CFAP47: variants seen among roughly 807,000 people sequenced by gnomAD.
CFAP47 encodes the protein cilia and flagella associated protein 47.
Under a neutral mutation model 148.1 loss-of-function variants are expected in CFAP47, and 29 were observed. The observed-to-expected ratio is 0.20, with a 90% CI of 0.15 to 0.27. CFAP47 has a LOEUF of 0.27. Ranked by LOEUF, CFAP47 falls within the 10% of genes least tolerant of loss-of-function variation. CFAP47 has a pLI of 1.00. For synonymous variants in CFAP47, 664 were observed against 577.3 expected, an observed-to-expected ratio of 1.15 and a Z score of -2.15; for missense variants, 1,872 against 1,697.5, an observed-to-expected ratio of 1.10 and a Z score of -1.81.
chrX:36,232,249 C>T (rs1168518973), intron 46 of CFAP47, among the ~76,000 whole-genome samples: 2 of 111,313 alleles, frequency 1.8e-5, no homozygotes, highest in African/African-American at 6.5e-5. Flanking sequence ...GTCCTGGACT[C>T]TTTTTGGTTG....
chrX:36,105,505 C>T (rs1379576578), intron 33 of CFAP47, among the ~76,000 whole-genome samples: 2 of 111,735 alleles, frequency 1.8e-5, no homozygotes, highest in African/African-American at 6.5e-5. Context: ...AAAAATGAGA[C>T]TTTGAATTAT....
intron 57 of CFAP47, among the ~76,000 whole-genome samples, chrX:36,336,616 T>A (rs1460491673): frequency 1.8e-5 from 2 of 111,834 alleles, no homozygotes; most frequent in East Asian, 2.8e-4. Context: ...TTTATATTTA[T>A]ATGATTGCTA....
chrX:36,304,089 T>A (rs1306691894), intron 54 of CFAP47, 129 bp downstream of exon 54: 31 of 380,792 alleles, frequency 8.1e-5, no homozygotes, highest in Non-Finnish European at 1.3e-4. Flanking sequence ...ATTTAAGAAT[T>A]GAATTTTATA....
At chrX:35,963,886 G>T (rs1936367014) in intron 8 of CFAP47, among the ~76,000 whole-genome samples, 1 of 111,147 alleles carries the variant, frequency 9.0e-6, no homozygotes, top group African/African-American at 3.3e-5. Context: ...TCCTCTTTGT[G>T]CTATTCTTGT....
In CFAP47 at chrX:36,071,923, A is replaced by G. The variant is rs758298208; in HGVS notation, c.4417A>G (p.Thr1473Ala). ...TGCTTCAATTAAAAAGACATACACC[A>G]CTAGCAAATTCAATGATGCTGAACC... is the stretch of plus-strand genomic sequence containing the variant. ...SPASIKKTYT[T>A]SKFNDAEPAK... is the part of the protein sequence containing the mutation. Residue 1473 changes from threonine to alanine, a missense_variant, in exon 28 of 64, where the codon ACT becomes GCT. Transcript: ENST00000378653. The G allele has an allele frequency of 5.8e-6, 7 of 1,208,595 alleles. No homozygotes were observed. Among genetic ancestry groups the G allele is most frequent in the Middle Eastern group, 4.6e-4 (2 of 4,342 alleles).
chrX:35,954,060 T>G (rs1936208253), intron 7 of CFAP47, among the ~76,000 whole-genome samples: 1 of 111,090 alleles, frequency 9.0e-6, no homozygotes, highest in South Asian at 3.7e-4. Flanking sequence ...TGGGGACAAA[T>G]GACCCTTTCC....
intron 39 of CFAP47, 47 bp from the exon 40 acceptor site, chrX:36,179,298 A>G (rs1178610597): frequency 3.4e-6 from 1 of 291,861 alleles, no homozygotes; most frequent in Non-Finnish European, 6.0e-6. Flanking sequence ...GGTTATCGGA[A>G]TTTTGTTGCA....
intron 33 of CFAP47, among the ~76,000 whole-genome samples, chrX:36,132,791 A>G (rs1355108872): frequency 8.9e-6 from 1 of 111,873 alleles, no homozygotes; most frequent in African/African-American, 3.2e-5. Flanking sequence ...GCTACGGCCC[A>G]TGCCTACTGG....
intron 63 of CFAP47, among the ~76,000 whole-genome samples, chrX:36,383,193 A>G (rs1291395206): frequency 8.9e-6 from 1 of 112,131 alleles, no homozygotes; most frequent in Admixed American, 9.5e-5. Flanking sequence ...TTGAATTTCA[A>G]TAAATGTAAT....
intron 21 of CFAP47, among the ~76,000 whole-genome samples, chrX:36,010,911 C>A (rs1203271665): frequency 9.0e-6 from 1 of 111,128 alleles, no homozygotes; most frequent in Non-Finnish European, 1.9e-5. Flanking sequence ...CTAATAAGTC[C>A]TATGGCTGGG....
At chrX:36,293,037 G>A in intron 51 of CFAP47, among the ~76,000 whole-genome samples, 1 of 110,708 alleles carries the variant, frequency 9.0e-6, no homozygotes, top group East Asian at 2.8e-4. Context: ...ATTTTCTAAT[G>A]AGTATTTACT....
intron 29 of CFAP47, among the ~76,000 whole-genome samples, 155 bp downstream of exon 29, chrX:36,073,519 A>G (rs1479109474): frequency 9.0e-6 from 1 of 111,639 alleles, no homozygotes; most frequent in African/African-American, 3.2e-5. Flanking sequence ...TTGTTATTGC[A>G]AGAAGAGTAA....
chrX:36,223,045 A>G (rs1940229604), intron 45 of CFAP47, among the ~76,000 whole-genome samples: 1 of 110,305 alleles, frequency 9.1e-6, no homozygotes, highest in Non-Finnish European at 1.9e-5. Flanking sequence ...AAAAGTGTAT[A>G]GTACCTCCCC....
At chrX:36,182,926 A>T (rs749419061) in intron 40 of CFAP47, among the ~76,000 whole-genome samples, 1 of 112,437 alleles carries the variant, frequency 8.9e-6, no homozygotes, top group Non-Finnish European at 1.9e-5. Context: ...GAAGTGCTGT[A>T]TGTTATTTCC....
At position 35,975,312 on chromosome X, in the gene CFAP47, G is replaced by C; in HGVS notation, c.2420G>C (p.Ser807Thr). ...TCATACGTGATTCTACCTACATCCA[G>C]TACTTATATTTCAATGGTATTTGAC... ...QFSYVILPTS[S>T]TYISMVFDSP... Residue 807 changes from serine to threonine, a missense_variant, in exon 14 of 64, where the codon AGT becomes ACT. Transcript: ENST00000378653. 2.5e-6 allele frequency: 3 copies of C among 1,206,493 alleles called. No individual in the cohort carries two copies. The highest frequency in any genetic ancestry group is 3.4e-6 in the Non-Finnish European group (3 of 892,622).
At chrX:36,314,046 T>G (rs184339375) in intron 56 of CFAP47, among the ~76,000 whole-genome samples, 675 of 111,220 alleles carry the variant, frequency 6.1e-3, no homozygotes, top group African/African-American at 0.021. Context: ...TAATACGGTA[T>G]AAATTAAGTA....
chrX:36,289,841 G>A (rs1398923839), intron 51 of CFAP47, among the ~76,000 whole-genome samples: 4 of 111,814 alleles, frequency 3.6e-5, no homozygotes, highest in South Asian at 3.7e-4. Flanking sequence ...CACTTCAACC[G>A]AGAGTGGACT....
At position 35,967,729 on chromosome X, in the gene CFAP47, CACA is replaced by C. The variant is rs750826004; in HGVS notation, c.1713_1715del (p.Asn572del). On this transcript the variant is annotated inframe_deletion, in exon 10 of 64. Coordinates refer to ENST00000378653, the MANE Select transcript of CFAP47 (RefSeq NM_001304548.2). ...GCTTCAATCAGCCATGACACGCACT[CACA>C]ATCATCGCTCATGTGAAGAGCCAGT... The C allele has an allele frequency of 2.5e-6, 3 of 1,206,574 alleles. No homozygotes were observed. The African/African-American group carries it at 5.3e-5, about 21-fold the overall frequency.
chrX:36,093,107 GAA>G (rs1938213347), intron 30 of CFAP47, among the ~76,000 whole-genome samples: 4 of 111,287 alleles, frequency 3.6e-5, no homozygotes, highest in African/African-American at 1.3e-4. Context: ...TTTGATGGCT[GAA>G]TAGTACTCCA....
Sources: allele counts gnomAD v4.1 joint callset (sites outside exome capture counted in the v4.1 genomes callset), GRCh38; gene constraint gnomAD v4.1.1; transcripts MANE v1.5; gene names NCBI Gene and HGNC (gene_info 2026-07-23, HGNC 2026-07-21).